PRKACB: variants seen among roughly 807,000 people sequenced by gnomAD.
PRKACB encodes the protein protein kinase cAMP-activated catalytic subunit beta.
In PRKACB, 16 loss-of-function variants were observed where a neutral mutation model predicts 51.4. That is an observed-to-expected ratio of 0.31 (90% CI 0.21 to 0.47). The LOEUF is 0.47. Among genes scored for constraint, PRKACB ranks in the 20% least tolerant of loss-of-function variants. The probability of loss-of-function intolerance (pLI) is 1.00; values close to 1 mark genes in which losing one functional copy is unlikely to be tolerated. For missense variants in PRKACB, 309 were observed against 464.5 expected (o/e 0.67, Z 3.08); for synonymous variants, 147 against 154.4 (o/e 0.95, Z 0.35).
intron 1 of PRKACB, among the ~76,000 whole-genome samples, chr1:84,154,389 A>T (rs190690521): frequency 6.6e-6 from 1 of 152,156 alleles, no homozygotes; most frequent in African/African-American, 2.4e-5. Context: ...GAACAAACCA[A>T]TAAGGAATAT....
chr1:84,197,640 T>C, intron 6 of PRKACB, 89 bp from the exon 7 acceptor site: 1 of 837,550 alleles, frequency 1.2e-6, no homozygotes, highest in South Asian at 2.2e-5. Context: ...ATAGTTTCAA[T>C]TTGAATTTTA....
chr1:84,180,163 C>T (rs1181597043), intron 2 of PRKACB, among the ~76,000 whole-genome samples: 6 of 46,290 alleles, frequency 1.3e-4, no homozygotes, highest in East Asian at 4.8e-4. Context: ...CATCAATCAA[C>T]GAATGGATAA....
chr1:84,151,345 T>C lies in PRKACB; in HGVS notation c.187+6797T>C, dbSNP rs542432974. ...CATCTCAGCTTTCAGCATTTCCCAA[T>C]TTTTTTGCTGGTGGAGGGTCTTGCA... On this transcript the variant is annotated intron_variant, in intron 1 of 9. Transcript: ENST00000370685. 9.2e-5 allele frequency among the ~76,000 whole-genome samples: 14 copies of C among 152,288 alleles called. No homozygotes were observed. In the South Asian group the frequency reaches 2.7e-3, roughly 29 times the overall value.
At chr1:84,217,955 C>A (rs193231576) in intron 9 of PRKACB, among the ~76,000 whole-genome samples, 7 of 152,234 alleles carry the variant, frequency 4.6e-5, no homozygotes, top group Admixed American at 4.6e-4. Context: ...ATTTGAAATT[C>A]TACCTTTACT....
At chr1:84,119,717 T>C (rs1650910631) in intron 1 of PRKACB, among the ~76,000 whole-genome samples, 1 of 152,120 alleles carries the variant, frequency 6.6e-6, no homozygotes, top group African/African-American at 2.4e-5. Flanking sequence ...AGAAGGAAAT[T>C]GATGTGTTTA....
At chr1:84,226,275 T>G (rs1234784630) in intron 9 of PRKACB, among the ~76,000 whole-genome samples, 1 of 15,218 alleles carries the variant, frequency 6.6e-5, no homozygotes, top group African/African-American at 8.0e-5. Context: ...GGGTTTTTTG[T>G]TTTTTTTTTT....
intron 1 of PRKACB, among the ~76,000 whole-genome samples, chr1:84,111,712 G>A (rs372766222): frequency 6.6e-6 from 1 of 151,108 alleles, no homozygotes; most frequent in African/African-American, 2.4e-5. Context: ...ATGTACCCCT[G>A]AACTTAAAAG....
intron 1 of PRKACB, among the ~76,000 whole-genome samples, chr1:84,108,197 AT>A (rs1186685167): frequency 6.6e-6 from 1 of 152,118 alleles, no homozygotes; most frequent in Non-Finnish European, 1.5e-5. Context: ...ACTGGAGGCC[AT>A]TAACTCTAGT....
intron 5 of PRKACB, among the ~76,000 whole-genome samples, chr1:84,189,457 G>GAA (rs553468620): frequency 7.9e-6 from 1 of 125,992 alleles, no homozygotes; most frequent in Admixed American, 8.0e-5. Context: ...AGTTCAAACT[G>GAA]AAAAAAAAAA....
At chr1:84,130,434 G>C (rs1015800600) in intron 1 of PRKACB, among the ~76,000 whole-genome samples, 1 of 152,028 alleles carries the variant, frequency 6.6e-6, no homozygotes, top group Non-Finnish European at 1.5e-5. Context: ...AAGAGTCAGT[G>C]AATTAGAACA....
intron 1 of PRKACB, among the ~76,000 whole-genome samples, chr1:84,079,643 A>G (rs960652474): frequency 1.3e-5 from 2 of 152,116 alleles, no homozygotes; most frequent in Non-Finnish European, 1.5e-5. Context: ...AAAGAAGCCA[A>G]TGTAGAGGTA....
chr1:84,152,193 T>C (rs1331823948), intron 1 of PRKACB, among the ~76,000 whole-genome samples: 1 of 152,172 alleles, frequency 6.6e-6, no homozygotes, highest in Non-Finnish European at 1.5e-5. Flanking sequence ...TTTTTCTGAG[T>C]GGTTCCCAAT....
intron 7 of PRKACB, among the ~76,000 whole-genome samples, chr1:84,202,475 A>G (rs1391346783): frequency 6.6e-6 from 1 of 152,018 alleles, no homozygotes; most frequent in East Asian, 1.9e-4. Flanking sequence ...CTAATATCCA[A>G]TTTCAGTATC....
At chr1:84,170,788 AAT>A (rs779846690) in intron 1 of PRKACB, among the ~76,000 whole-genome samples, 3 of 151,864 alleles carry the variant, frequency 2.0e-5, no homozygotes, top group African/African-American at 4.8e-5. Flanking sequence ...CATAAAAATA[AAT>A]ATGAGGAAAA....
intron 2 of PRKACB, chr1:84,181,632 T>C: frequency 7.3e-7 from 1 of 1,377,246 alleles, no homozygotes; most frequent in Admixed American, 2.8e-5. Flanking sequence ...TTTTATAATA[T>C]AAAGAGAGAA....
intron 1 of PRKACB, among the ~76,000 whole-genome samples, chr1:84,101,077 G>A (rs1649316789): frequency 6.6e-6 from 1 of 152,180 alleles, no homozygotes; most frequent in Non-Finnish European, 1.5e-5. Flanking sequence ...AGTTACACCA[G>A]AGAAACAGAA....
At chr1:84,121,135 A>G (rs757447039) in intron 1 of PRKACB, among the ~76,000 whole-genome samples, 7 of 152,118 alleles carry the variant, frequency 4.6e-5, no homozygotes, top group Non-Finnish European at 7.4e-5. Flanking sequence ...GATTAATTAC[A>G]TTATGAAACA....
At chr1:84,147,718 G>A (rs2100618606) in intron 1 of PRKACB, among the ~76,000 whole-genome samples, 1 of 152,040 alleles carries the variant, frequency 6.6e-6, no homozygotes, top group East Asian at 1.9e-4. Flanking sequence ...AAATATTAAA[G>A]AATGAATAGA....
chr1:84,182,244 A>T lies in PRKACB; in HGVS notation c.294A>T (p.Gly98=). The T allele has an allele frequency of 6.3e-7, 1 of 1,599,974 alleles. No individual in the cohort carries two copies. Among genetic ancestry groups the T allele is most frequent in the Non-Finnish European group, 8.5e-7 (1 of 1,171,246 alleles). The change falls in exon 3 of 10, where the codon GGA becomes GGT. Residue 98 remains glycine, a synonymous_variant. Coordinates refer to ENST00000370685, the MANE Select transcript of PRKACB (RefSeq NM_182948.4). ...ATTTTGAAAGGAAAAAAACCCTTGG[A>T]ACAGGTTCATTTGGAAGAGTCATGT... ...LEDFERKKTL[G]TGSFGRVMLV...
Sources: allele counts gnomAD v4.1 joint callset (sites outside exome capture counted in the v4.1 genomes callset), GRCh38; gene constraint gnomAD v4.1.1; transcripts MANE v1.5; gene names NCBI Gene and HGNC (gene_info 2026-07-23, HGNC 2026-07-21).